The following CA2 variants were observed in gnomAD, a reference collection of about 807,000 sequenced individuals.
CA2 encodes carbonate dehydratase II.
In CA2, 23 loss-of-function variants were observed where a neutral mutation model predicts 27.8. That is an observed-to-expected ratio of 0.83 (90% CI 0.59 to 1.17). The LOEUF (loss-of-function observed/expected upper bound fraction) is 1.17. CA2 is among the 50% of genes most tolerant of loss of function. The probability of loss-of-function intolerance (pLI) is 0.00; values close to 1 mark genes in which losing one functional copy is unlikely to be tolerated. For synonymous variants in CA2, 99 were observed against 114.9 expected, an observed-to-expected ratio of 0.86 and a Z score of 0.88; for missense variants, 300 against 314.7, an observed-to-expected ratio of 0.95 and a Z score of 0.35.
At chr8:85,474,040 T>G in intron 3 of CA2, 2 of 606,932 alleles carry the variant, frequency 3.3e-6, no homozygotes, top group East Asian at 2.8e-5. Flanking sequence ...GTAAACGGAC[T>G]CAAACTGGAG....
intron 6 of CA2, 126 bp downstream of exon 6, chr8:85,477,401 G>A: frequency 1.8e-6 from 2 of 1,091,342 alleles, no homozygotes; most frequent in Non-Finnish European, 2.8e-6. Context: ...TATGGAAATA[G>A]TGCCTTTGAT....
chr8:85,474,281 A>G (rs779572330), intron 3 of CA2, 43 bp from the exon 4 acceptor site: 13 of 1,361,072 alleles, frequency 9.6e-6, no homozygotes, highest in African/African-American at 1.4e-5. Context: ...GTCAGCTTTG[A>G]TTATGTAAAT....
At chr8:85,466,703 CACTT>C (rs1564077553) in intron 2 of CA2, among the ~76,000 whole-genome samples, 1 of 151,366 alleles carries the variant, frequency 6.6e-6, no homozygotes, top group South Asian at 2.1e-4. Context: ...CACACACACA[CACTT>C]ACAATCATAC....
At chr8:85,464,203 C>G in intron 1 of CA2, 88 bp downstream of exon 1, 2 of 1,235,002 alleles carry the variant, frequency 1.6e-6, no homozygotes, top group South Asian at 1.4e-5. Context: ...GCCCGGGGCC[C>G]GCAGCGCCCG....
At chr8:85,476,098 G>A (rs1811795177) in intron 5 of CA2, among the ~76,000 whole-genome samples, 1 of 152,112 alleles carries the variant, frequency 6.6e-6, no homozygotes, top group Non-Finnish European at 1.5e-5. Flanking sequence ...CCATCATTTG[G>A]ACATCCATAT....
intron 5 of CA2, among the ~76,000 whole-genome samples, chr8:85,476,609 A>T (rs1428625123): frequency 6.6e-6 from 1 of 152,146 alleles, no homozygotes; most frequent in Non-Finnish European, 1.5e-5. Context: ...TTCTCATATG[A>T]TATAGTTTTC....
At chr8:85,472,488 A>T (rs937401018) in intron 2 of CA2, among the ~76,000 whole-genome samples, 2 of 152,146 alleles carry the variant, frequency 1.3e-5, no homozygotes, top group Admixed American at 1.3e-4. Context: ...TAGCCGATGG[A>T]TGTGATTTTT....
chr8:85,476,401 T>C (rs1811799069), intron 5 of CA2, among the ~76,000 whole-genome samples: 1 of 152,146 alleles, frequency 6.6e-6, no homozygotes, highest in African/African-American at 2.4e-5. Flanking sequence ...ATGGGGAACT[T>C]ATCACCAGGG....
At chr8:85,473,930 A>G in intron 3 of CA2, 119 bp downstream of exon 3, 3 of 739,726 alleles carry the variant, frequency 4.1e-6, no homozygotes, top group South Asian at 1.5e-5. Context: ...CTTCTTTTAC[A>G]AAGGACCTTC....
rs1049804440 is a variant in CA2, at chr8:85,480,946, A to G, written c.*157A>G. On this transcript the variant is annotated 3_prime_UTR_variant, in exon 7 of 7. Coordinates refer to ENST00000285379, the MANE Select transcript of CA2 (RefSeq NM_000067.3). Reference sequence around the variant, plus strand: ...ATAGACTTACTAATAAAATGTGAAGACTAGACCAATTGTCATGCTTGACAC... The same window carrying G: ...ATAGACTTACTAATAAAATGTGAAGGCTAGACCAATTGTCATGCTTGACAC... The G allele has an allele frequency of 4.0e-6, 3 of 742,990 alleles. No individual in the cohort carries two copies. The highest frequency in any genetic ancestry group is 2.8e-5 in the East Asian group (1 of 35,964). 46.0% of individuals were successfully genotyped at this position (742,990 alleles called of 1,614,324 possible). A position where few individuals can be genotyped will look rare whatever the true frequency, so the allele number is the denominator to read the frequency against.
At chr8:85,480,025 T>G (rs764935715) in intron 6 of CA2, among the ~76,000 whole-genome samples, 3 of 152,194 alleles carry the variant, frequency 2.0e-5, no homozygotes, top group Non-Finnish European at 2.9e-5. Context: ...GTTATTATTT[T>G]GCATCTAAAG....
rs1393310807 is a variant in CA2 at position 85,480,438 on chromosome 8, TGTGTGTG to T, written c.664-231_664-225del. ...CGCCTGTTTAATTTTTGTGTGTGTG[TGTGTGTG>T]TTTTTTTTTTTGTAGAGACAGGGTT... On this transcript the variant is annotated intron_variant, in intron 6 of 6. Coordinates refer to ENST00000285379, the MANE Select transcript of CA2 (RefSeq NM_000067.3). 4.4e-5 allele frequency among the ~76,000 whole-genome samples: 4 copies of T among 90,792 alleles called. No homozygotes were observed. The South Asian group carries it at 1.1e-3, about 26-fold the overall frequency. 59.6% of individuals were successfully genotyped at this position (90,792 alleles called of 152,430 possible).
intron 5 of CA2, 90 bp downstream of exon 5, chr8:85,475,950 C>T: frequency 1.0e-6 from 1 of 965,128 alleles, no homozygotes; most frequent in Non-Finnish European, 1.7e-6. Context: ...ATTGCACAGT[C>T]TCAATGACAT....
chr8:85,479,211 G>C (rs1811851707), intron 6 of CA2, among the ~76,000 whole-genome samples: 1 of 152,184 alleles, frequency 6.6e-6, no homozygotes. Context: ...CTAAAACAAT[G>C]AGTCAAGTTG....
intron 2 of CA2, among the ~76,000 whole-genome samples, chr8:85,467,597 T>C (rs1388467104): frequency 6.6e-6 from 1 of 152,256 alleles, no homozygotes; most frequent in Non-Finnish European, 1.5e-5. Flanking sequence ...TTAGTTCCCA[T>C]CATTTGATGT....
intron 2 of CA2, among the ~76,000 whole-genome samples, chr8:85,470,229 G>A (rs1347649065): frequency 2.0e-5 from 3 of 152,124 alleles, no homozygotes; most frequent in East Asian, 1.9e-4. Context: ...AATGGAATAC[G>A]TGTATTTTTT....
rs752092578 is a variant in CA2, at chr8:85,475,778, C to T, written c.445-20C>T. 1.9e-6 allele frequency: 3 copies of T among 1,610,850 alleles called. No individual in the cohort carries two copies. Among genetic ancestry groups the T allele is most frequent in the Non-Finnish European group, 1.7e-6 (2 of 1,177,126 alleles). ...GTACCAACTGGGTGATAGTATCTTG[C>T]CCTTTATGTTTTTCTTTAGGTTGGC... On this transcript the variant is annotated intron_variant, in intron 4 of 6. Transcript: ENST00000285379.
chr8:85,470,827 A>G (rs976094578), intron 2 of CA2, among the ~76,000 whole-genome samples: 1 of 152,022 alleles, frequency 6.6e-6, no homozygotes, highest in African/African-American at 2.4e-5. Flanking sequence ...GGTCTTGAAA[A>G]AAACATTAGA....
At chr8:85,479,967 T>A (rs12549766) in intron 6 of CA2, among the ~76,000 whole-genome samples, 16 of 152,292 alleles carry the variant, frequency 1.1e-4, no homozygotes, top group Admixed American at 1.0e-3. Context: ...ATGTGGTAGT[T>A]TGTCTTCCCT....
Sources: allele counts gnomAD v4.1 joint callset (sites outside exome capture counted in the v4.1 genomes callset), GRCh38; gene constraint gnomAD v4.1.1; transcripts MANE v1.5; gene names NCBI Gene and HGNC (gene_info 2026-07-23, HGNC 2026-07-21).